SERGEF: variants seen among roughly 807,000 people sequenced by gnomAD.
SERGEF encodes the protein secretion-regulating guanine nucleotide exchange factor.
A neutral mutation model predicts 50.0 loss-of-function variants in SERGEF; 51 were observed. The ratio of observed to expected loss-of-function variants is 1.02; its 90% CI spans 0.81 to 1.29. SERGEF has a LOEUF of 1.29. SERGEF is among the 50% of genes most tolerant of loss of function. SERGEF has a pLI of 0.00. For synonymous variants in SERGEF, 205 were observed against 212.4 expected, an observed-to-expected ratio of 0.97 and a Z score of 0.30; for missense variants, 521 against 557.0, an observed-to-expected ratio of 0.94 and a Z score of 0.65.
intron 9 of SERGEF, among the ~76,000 whole-genome samples, chr11:17,956,019 A>G (rs890102299): frequency 2.6e-5 from 4 of 152,210 alleles, no homozygotes; most frequent in African/African-American, 9.7e-5. Context: ...GGTGGGATTA[A>G]TCCAGATCAC....
intron 10 of SERGEF, among the ~76,000 whole-genome samples, chr11:17,807,280 C>T (rs1455235421): frequency 1.3e-5 from 2 of 152,158 alleles, no homozygotes; most frequent in Non-Finnish European, 2.9e-5. Flanking sequence ...TGATGAGCTG[C>T]CCCGGCAGTG....
At chr11:17,924,392 C>T (rs1201442124) in intron 9 of SERGEF, among the ~76,000 whole-genome samples, 1 of 152,054 alleles carries the variant, frequency 6.6e-6, no homozygotes, top group Non-Finnish European at 1.5e-5. Context: ...GAAAGAGAAC[C>T]TGGTATGTTC....
chr11:17,912,533 A>G (rs1565202905), intron 9 of SERGEF, among the ~76,000 whole-genome samples: 1 of 152,238 alleles, frequency 6.6e-6, no homozygotes, highest in East Asian at 1.9e-4. Flanking sequence ...TTCAAAATTA[A>G]AAAGTTTAAA....
chr11:17,914,869 A>G (rs1048628968), intron 9 of SERGEF, among the ~76,000 whole-genome samples: 3 of 152,210 alleles, frequency 2.0e-5, no homozygotes, highest in African/African-American at 7.2e-5. Context: ...CCCTGCTCTC[A>G]TGGAGTTTAA....
chr11:17,850,854 CA>C (rs1850697351), intron 10 of SERGEF, among the ~76,000 whole-genome samples: 1 of 152,118 alleles, frequency 6.6e-6, no homozygotes, highest in Non-Finnish European at 1.5e-5. Flanking sequence ...ATTCCACCAC[CA>C]GGGGGGCAAT....
intron 10 of SERGEF, among the ~76,000 whole-genome samples, chr11:17,851,041 G>A (rs1034618156): frequency 1.3e-5 from 2 of 152,150 alleles, no homozygotes; most frequent in Non-Finnish European, 2.9e-5. Flanking sequence ...ACATAAAATA[G>A]GGATGATACC....
intron 10 of SERGEF, among the ~76,000 whole-genome samples, chr11:17,859,423 G>A (rs1224667356): frequency 2.0e-5 from 3 of 151,922 alleles, no homozygotes; most frequent in Admixed American, 6.6e-5. Context: ...ACATGCCCAA[G>A]AGGAAAGAAA....
intron 9 of SERGEF, among the ~76,000 whole-genome samples, chr11:17,896,515 T>C (rs927733450): frequency 6.8e-6 from 1 of 146,468 alleles, no homozygotes; most frequent in Non-Finnish European, 1.5e-5. Flanking sequence ...ATGAGTGTTT[T>C]CAGTCTGGAG....
chr11:18,009,332 A>G (rs1854150137), intron 1 of SERGEF, among the ~76,000 whole-genome samples: 1 of 152,164 alleles, frequency 6.6e-6, no homozygotes, highest in Non-Finnish European at 1.5e-5. Context: ...AATATTCCTC[A>G]TCTTTCCCTT....
intron 9 of SERGEF, among the ~76,000 whole-genome samples, chr11:17,945,236 T>C (rs567844740): frequency 6.6e-6 from 1 of 152,284 alleles, no homozygotes; most frequent in African/African-American, 2.4e-5. Flanking sequence ...TTTAATAATG[T>C]ATGTTTGAGT....
At chr11:17,977,100 C>T (rs1853392894) in intron 8 of SERGEF, among the ~76,000 whole-genome samples, 1 of 152,232 alleles carries the variant, frequency 6.6e-6, no homozygotes, top group African/African-American at 2.4e-5. Flanking sequence ...AAGTTCTACC[C>T]ATCCCATGCC....
chr11:17,985,080 A>G (rs1853566625), intron 8 of SERGEF, among the ~76,000 whole-genome samples: 1 of 152,212 alleles, frequency 6.6e-6, no homozygotes, highest in South Asian at 2.1e-4. Context: ...AAGACTTTAG[A>G]AAACTTTGCT....
intron 4 of SERGEF, 165 bp from the exon 5 acceptor site, chr11:18,000,722 C>T (rs1319299157): frequency 4.2e-6 from 3 of 708,934 alleles, no homozygotes; most frequent in Admixed American, 2.0e-5. Flanking sequence ...TACATTTATC[C>T]CTAAAAGAAA....
At chr11:17,894,036 AG>A (rs1269978009) in intron 9 of SERGEF, among the ~76,000 whole-genome samples, 15 of 152,154 alleles carry the variant, frequency 9.9e-5, no homozygotes, top group Admixed American at 9.2e-4. Context: ...CTAAAGTACA[AG>A]TGAATTATTT....
intron 10 of SERGEF, among the ~76,000 whole-genome samples, chr11:17,839,124 G>T (rs139210153): frequency 1.4e-4 from 21 of 152,200 alleles, no homozygotes; most frequent in African/African-American, 5.1e-4. Context: ...CCTGAACAGG[G>T]ACAAATGTCT....
At chr11:17,849,444 C>T (rs1464385597) in intron 10 of SERGEF, among the ~76,000 whole-genome samples, 2 of 152,164 alleles carry the variant, frequency 1.3e-5, no homozygotes, top group Non-Finnish European at 2.9e-5. Context: ...ATAAAAGCTG[C>T]CTCCAGCTTC....
chr11:17,822,932 A>G (rs1850110094), intron 10 of SERGEF, among the ~76,000 whole-genome samples: 1 of 152,132 alleles, frequency 6.6e-6, no homozygotes, highest in Non-Finnish European at 1.5e-5. Flanking sequence ...CATTGTCAAC[A>G]TCTTATATTA....
intron 1 of SERGEF, among the ~76,000 whole-genome samples, chr11:18,011,889 C>T (rs1169823569): frequency 6.6e-6 from 1 of 152,170 alleles, no homozygotes; most frequent in Non-Finnish European, 1.5e-5. Flanking sequence ...TGCCAAATTG[C>T]AGCCCCACAT....
At chr11:17,825,181 A>G (rs1036290717) in intron 10 of SERGEF, among the ~76,000 whole-genome samples, 1 of 152,234 alleles carries the variant, frequency 6.6e-6, no homozygotes, top group Non-Finnish European at 1.5e-5. Context: ...TGCTGGGGAC[A>G]CTAAAGTAAA....
Sources: gnomAD v4.1 joint callset for allele counts (sites outside exome capture counted in the v4.1 genomes callset) on GRCh38, gnomAD v4.1.1 for gene constraint, MANE v1.5 for transcripts, NCBI Gene and HGNC (gene_info 2026-07-23, HGNC 2026-07-21) for gene names.